FBXL14: variants seen among roughly 807,000 people sequenced by gnomAD.
FBXL14 encodes the protein F-box and leucine rich repeat protein 14, also known as F-box/LRR-repeat protein 14.
A neutral mutation model predicts 24.5 loss-of-function variants in FBXL14; 11 were observed. That is an observed-to-expected ratio of 0.45 (90% CI 0.28 to 0.74). The LOEUF is 0.74. Among genes scored for constraint, FBXL14 ranks in the 30% least tolerant of loss-of-function variants. FBXL14 has a pLI of 0.12. For missense variants in FBXL14, 384 were observed against 545.6 expected, an observed-to-expected ratio of 0.70 and a Z score of 2.95; for synonymous variants, 294 against 240.4, an observed-to-expected ratio of 1.22 and a Z score of -2.06.
At chr12:1,590,747 G>A (rs1391018664) in intron 1 of FBXL14, among the ~76,000 whole-genome samples, 1 of 152,168 alleles carries the variant, frequency 6.6e-6, no homozygotes, top group East Asian at 1.9e-4. Context: ...CTTACAGCCG[G>A]GCCTGGAGGG....
chr12:1,582,162 A>T (rs188834848), intron 1 of FBXL14, among the ~76,000 whole-genome samples: 3 of 152,012 alleles, frequency 2.0e-5, no homozygotes, highest in Non-Finnish European at 4.4e-5. Flanking sequence ...GAAGGAAAGG[A>T]AAGAAGGAAA....
intron 1 of FBXL14, among the ~76,000 whole-genome samples, chr12:1,578,653 A>G (rs1592467158): frequency 1.3e-5 from 2 of 152,126 alleles, no homozygotes; most frequent in East Asian, 3.8e-4. Context: ...ATAAAATAAA[A>G]CAATGGATAG....
At chr12:1,592,380 C>G (rs547837997) in intron 1 of FBXL14, among the ~76,000 whole-genome samples, 2 of 151,980 alleles carry the variant, frequency 1.3e-5, no homozygotes, top group South Asian at 4.1e-4. Flanking sequence ...GGATTAGTTA[C>G]AAAGTGGAAG....
At chr12:1,578,869 G>A (rs1336146067) in intron 1 of FBXL14, among the ~76,000 whole-genome samples, 1 of 152,114 alleles carries the variant, frequency 6.6e-6, no homozygotes, top group Non-Finnish European at 1.5e-5. Flanking sequence ...GGTGGGCTTT[G>A]CTTTAGAGAC....
intron 1 of FBXL14, among the ~76,000 whole-genome samples, chr12:1,585,392 C>G (rs1426535070): frequency 6.9e-6 from 1 of 144,422 alleles, no homozygotes; most frequent in African/African-American, 2.7e-5. Context: ...AGCGAGACTC[C>G]GTCTCAAAAA....
chr12:1,570,855 T>C (rs2094444274), intron 1 of FBXL14, among the ~76,000 whole-genome samples: 1 of 151,686 alleles, frequency 6.6e-6, no homozygotes, highest in African/African-American at 2.4e-5. Context: ...TCCTCCCAGG[T>C]GGTGTGGTCA....
chr12:1,571,333 C>T (rs1231004187), intron 1 of FBXL14, among the ~76,000 whole-genome samples: 6 of 152,074 alleles, frequency 3.9e-5, no homozygotes, highest in African/African-American at 9.7e-5. Flanking sequence ...CTCAGCCTCT[C>T]GAGTGGCTGG....
In FBXL14 at chr12:1,567,934, G is replaced by C. The variant is rs1193370145; in HGVS notation, c.1195-1124C>G. Among the ~76,000 whole-genome samples the C allele has an allele frequency of 6.6e-6, 1 of 152,252 alleles. No homozygotes were observed. The highest frequency in any genetic ancestry group is 2.4e-5 in the African/African-American group (1 of 41,462). On this transcript the variant is annotated intron_variant, in intron 1 of 1. Transcript: ENST00000339235. The surrounding 1 kb of genome is among the most constrained non-coding windows in gnomAD (Gnocchi z 4.8). ...ACACAGAACAGAATATCCAAGAACT[G>C]TGGGACATCTACAAAAGGTGTAGCA... is the stretch of plus-strand genomic sequence containing the variant.
At chr12:1,573,165 C>T (rs1288132204) in intron 1 of FBXL14, among the ~76,000 whole-genome samples, 1 of 152,128 alleles carries the variant, frequency 6.6e-6, no homozygotes, top group Non-Finnish European at 1.5e-5. Context: ...ATTTGAGTGA[C>T]ACTTCACCTA....
intron 1 of FBXL14, among the ~76,000 whole-genome samples, chr12:1,575,004 A>G (rs1186548476): frequency 2.0e-5 from 3 of 152,174 alleles, no homozygotes; most frequent in South Asian, 2.1e-4. Context: ...AACTAGAAGG[A>G]GGGATCTAAA....
chr12:1,568,381 A>G (rs1461322780), intron 1 of FBXL14, among the ~76,000 whole-genome samples: 6 of 152,246 alleles, frequency 3.9e-5, no homozygotes, highest in African/African-American at 1.4e-4. Context: ...ATTTGTTGCC[A>G]GTAGATCTGC....
Position 1,577,739 on chromosome 12 carries a change from G to A in FBXL14, c.1195-10929C>T, listed in dbSNP as rs140533875. Among the ~76,000 whole-genome samples the A allele has an allele frequency of 1.5e-3, 229 of 152,342 alleles. 2 individuals are homozygous for A. The highest frequency in any genetic ancestry group is 5.2e-3 in the African/African-American group (218 of 41,564). ...GCAGGGTCTGCAGACACTGACTTCA[G>A]GTGACCAGGCATGGAGATGGCAGGT... On this transcript the variant is annotated intron_variant, in intron 1 of 1. Coordinates refer to ENST00000339235, the MANE Select transcript of FBXL14 (RefSeq NM_152441.3).
Position 1,579,484 on chromosome 12 carries a change from C to T in FBXL14, c.1195-12674G>A, listed in dbSNP as rs868863741. Among the ~76,000 whole-genome samples, 3 of 151,660 alleles carry T rather than the reference C, an allele frequency of 2.0e-5. No individual in the cohort carries two copies. Among genetic ancestry groups the T allele is most frequent in the Non-Finnish European group, 2.9e-5 (2 of 67,952 alleles). ...CACAAAAATTAGCCGGGCATGATGG[C>T]GCACACCTGTAATCCCAGCTACTCG... On this transcript the variant is annotated intron_variant, in intron 1 of 1. Transcript: ENST00000339235. This position sits in a 1 kb window ranked among gnomAD's most constrained non-coding sequence, Gnocchi z 4.3.
At chr12:1,590,334 C>A (rs2094486657) in intron 1 of FBXL14, among the ~76,000 whole-genome samples, 1 of 152,180 alleles carries the variant, frequency 6.6e-6, no homozygotes, top group Non-Finnish European at 1.5e-5. Context: ...ACAAAACAAT[C>A]TTATCCCAAG....
chr12:1,588,292 C>A (rs145611002), intron 1 of FBXL14, among the ~76,000 whole-genome samples: 156 of 152,310 alleles, frequency 1.0e-3, no homozygotes, highest in Non-Finnish European at 1.6e-3. Context: ...AAGACCAGCA[C>A]CTATCTAGTA....
chr12:1,575,321 A>C lies in FBXL14; in HGVS notation c.1195-8511T>G, dbSNP rs1008914715. Among the ~76,000 whole-genome samples, 4 of 152,334 alleles carry C rather than the reference A, an allele frequency of 2.6e-5. No individual in the cohort carries two copies. The South Asian group carries it at 8.3e-4, about 32-fold the overall frequency. On this transcript the variant is annotated intron_variant, in intron 1 of 1. Transcript: ENST00000339235. ...AAAGTATTTGTGTCTGTCTAAATCT[A>C]TCTCTATCAATGTAATCTATCTTAT... is the stretch of plus-strand genomic sequence containing the variant.
At chr12:1,588,773 GT>G (rs912038333) in intron 1 of FBXL14, among the ~76,000 whole-genome samples, 1 of 152,066 alleles carries the variant, frequency 6.6e-6, no homozygotes, top group East Asian at 1.9e-4. Context: ...CCTGAACCAA[GT>G]TTTTTTCTGT....
chr12:1,576,352 A>G (rs1347060075), intron 1 of FBXL14, among the ~76,000 whole-genome samples: 1 of 152,098 alleles, frequency 6.6e-6, no homozygotes. Flanking sequence ...TCACTCCTCC[A>G]TATTTCTGTA....
At chr12:1,589,429 C>A (rs1370542555) in intron 1 of FBXL14, among the ~76,000 whole-genome samples, 1 of 97,050 alleles carries the variant, frequency 1.0e-5, no homozygotes, top group African/African-American at 4.5e-5. Flanking sequence ...AGATCAAGAC[C>A]TTGTCTCAAA....
Sources: gnomAD v4.1 joint callset for allele counts (sites outside exome capture counted in the v4.1 genomes callset) on GRCh38, gnomAD v4.1.1 for gene constraint, Gnocchi (gnomAD v3.1) non-coding constraint, MANE v1.5 for transcripts, NCBI Gene and HGNC (gene_info 2026-07-23, HGNC 2026-07-21) for gene names.